DOCK3: variants seen among roughly 807,000 people sequenced by gnomAD.
DOCK3 encodes the protein dedicator of cytokinesis protein 3.
Under a neutral mutation model 265.6 loss-of-function variants are expected in DOCK3, and 60 were observed. That is an observed-to-expected ratio of 0.23 (90% CI 0.18 to 0.28). The LOEUF is 0.28. Among genes scored for constraint, DOCK3 ranks in the 10% least tolerant of loss-of-function variants. The probability of loss-of-function intolerance (pLI) is 1.00; values close to 1 mark genes in which losing one functional copy is unlikely to be tolerated. For missense variants in DOCK3, 1,981 were observed against 2,594.3 expected (o/e 0.76, Z 5.14); for synonymous variants, 881 against 938.0 (o/e 0.94, Z 1.11).
intron 9 of DOCK3, among the ~76,000 whole-genome samples, chr3:51,124,203 A>G (rs2084161366): frequency 6.6e-6 from 1 of 152,064 alleles, no homozygotes; most frequent in Admixed American, 6.6e-5. Context: ...TACTTTGGAA[A>G]TTGATATAGT....
intron 9 of DOCK3, among the ~76,000 whole-genome samples, chr3:51,144,725 G>A (rs2085219837): frequency 6.6e-6 from 1 of 152,170 alleles, no homozygotes; most frequent in Non-Finnish European, 1.5e-5. Flanking sequence ...TGAGGAAAAA[G>A]TACCTTGTAT....
intron 2 of DOCK3, among the ~76,000 whole-genome samples, chr3:50,806,774 G>A (rs926590252): frequency 6.6e-6 from 1 of 152,008 alleles, no homozygotes; most frequent in Admixed American, 6.5e-5. Context: ...CCAAGAGGAG[G>A]GAGCATTCCA....
intron 5 of DOCK3, among the ~76,000 whole-genome samples, chr3:50,986,808 G>A (rs1225749030): frequency 6.6e-6 from 1 of 152,168 alleles, no homozygotes; most frequent in Non-Finnish European, 1.5e-5. Context: ...TCTAAGCACA[G>A]GCTTGCTTTT....
rs555437656 is a variant in DOCK3 at position 50,998,140 on chromosome 3, C to G, written c.315+64063C>G. 1.4e-4 allele frequency among the ~76,000 whole-genome samples: 21 copies of G among 152,214 alleles called. No homozygotes were observed. The South Asian group carries it at 4.1e-3, about 30-fold the overall frequency. ...TAACCACATTTTACAAACAAAGGAA[C>G]TGAAACTTAGGTAACAAAAATTGCC... On this transcript the variant is annotated intron_variant, in intron 5 of 52. Coordinates refer to ENST00000266037, the MANE Select transcript of DOCK3 (RefSeq NM_004947.5).
chr3:50,695,917 G>A (rs1405645270), intron 1 of DOCK3, among the ~76,000 whole-genome samples: 1 of 152,224 alleles, frequency 6.6e-6, no homozygotes, highest in Non-Finnish European at 1.5e-5. Flanking sequence ...CAGCCATGTG[G>A]TAGAGGAGGA....
intron 9 of DOCK3, among the ~76,000 whole-genome samples, chr3:51,136,065 C>T (rs955930622): frequency 6.6e-6 from 1 of 152,106 alleles, no homozygotes; most frequent in Admixed American, 6.5e-5. Flanking sequence ...CTACATCATC[C>T]TTTAGAAAGT....
intron 40 of DOCK3, among the ~76,000 whole-genome samples, chr3:51,353,102 C>T (rs1389098113): frequency 6.6e-5 from 10 of 152,156 alleles, no homozygotes; most frequent in South Asian, 2.1e-4. Flanking sequence ...CATGAACAGA[C>T]GTTGATGAGG....
intron 32 of DOCK3, among the ~76,000 whole-genome samples, chr3:51,324,610 A>G (rs899200769): frequency 2.0e-5 from 3 of 152,222 alleles, no homozygotes; most frequent in Non-Finnish European, 4.4e-5. Context: ...CATAGCCAAG[A>G]TAATCTTAGG....
chr3:51,141,582 T>C (rs1195470315), intron 9 of DOCK3, among the ~76,000 whole-genome samples: 5 of 152,188 alleles, frequency 3.3e-5, no homozygotes, highest in African/African-American at 1.2e-4. Flanking sequence ...ATACTATTCT[T>C]TTCTCCACTG....
chr3:50,735,980 C>T (rs2038570685), intron 1 of DOCK3, among the ~76,000 whole-genome samples: 1 of 152,070 alleles, frequency 6.6e-6, no homozygotes, highest in African/African-American at 2.4e-5. Flanking sequence ...ATACATGTGC[C>T]ATGTTGGTGT....
At chr3:50,932,988 A>T (rs2051151922) in intron 4 of DOCK3, among the ~76,000 whole-genome samples, 1 of 152,214 alleles carries the variant, frequency 6.6e-6, no homozygotes, top group African/African-American at 2.4e-5. Flanking sequence ...GGCAGAAGGC[A>T]AAGGAGGAGC....
intron 9 of DOCK3, among the ~76,000 whole-genome samples, chr3:51,107,629 A>G (rs2083340649): frequency 6.6e-6 from 1 of 152,214 alleles, no homozygotes; most frequent in Non-Finnish European, 1.5e-5. Flanking sequence ...TAAGACAGAC[A>G]AGAATAAAGA....
chr3:51,256,561 G>A (rs879844623), intron 22 of DOCK3, among the ~76,000 whole-genome samples: 6 of 150,890 alleles, frequency 4.0e-5, no homozygotes, highest in Non-Finnish European at 5.9e-5. Context: ...GTGAGCCATC[G>A]CACCCAGCGA....
intron 2 of DOCK3, among the ~76,000 whole-genome samples, chr3:50,783,784 G>A (rs1255511379): frequency 6.6e-6 from 1 of 151,490 alleles, no homozygotes; most frequent in Non-Finnish European, 1.5e-5. Flanking sequence ...CTAAGCCAGT[G>A]TCTAGAAGGG....
intron 3 of DOCK3, among the ~76,000 whole-genome samples, chr3:50,873,125 A>C (rs553198252): frequency 5.9e-5 from 9 of 152,258 alleles, no homozygotes; most frequent in Non-Finnish European, 1.2e-4. Flanking sequence ...TAGCCAACAC[A>C]GCTGGAAATG....
intron 46 of DOCK3, 117 bp from the exon 47 acceptor site, chr3:51,360,394 C>T (rs2086647819): frequency 7.4e-7 from 1 of 1,344,858 alleles, no homozygotes; most frequent in South Asian, 1.4e-5. Flanking sequence ...TTCAGCCAAC[C>T]ATATGATTCT....
rs553216531 is a variant in DOCK3, at chr3:51,342,178, G to T, written c.3915+793G>T. Among the ~76,000 whole-genome samples, 3 of 152,318 alleles carry T rather than the reference G, an allele frequency of 2.0e-5. No individual in the cohort carries two copies. The South Asian group carries it at 6.2e-4, about 32-fold the overall frequency. The stretch of plus-strand genomic sequence containing the variant: ...GATGAGTTTTTTCATCAAAAAGAAA[G>T]ATTTAAACATTAATGGCTTTTGTCT... On this transcript the variant is annotated intron_variant, in intron 38 of 52. Transcript: ENST00000266037.
At chr3:51,282,877 A>G (rs1240145647) in intron 27 of DOCK3, among the ~76,000 whole-genome samples, 2 of 152,182 alleles carry the variant, frequency 1.3e-5, no homozygotes, top group Non-Finnish European at 2.9e-5. Flanking sequence ...GGACAAAGAC[A>G]TCACAAGAAA....
chr3:51,018,750 A>G (rs2079463117), intron 5 of DOCK3, among the ~76,000 whole-genome samples: 2 of 151,718 alleles, frequency 1.3e-5, no homozygotes, highest in South Asian at 4.1e-4. Context: ...TTGTGGCATC[A>G]TGTCGGTGTT....
Sources: gnomAD v4.1 joint callset for allele counts (sites outside exome capture counted in the v4.1 genomes callset) on GRCh38, gnomAD v4.1.1 for gene constraint, MANE v1.5 for transcripts, NCBI Gene and HGNC (gene_info 2026-07-23, HGNC 2026-07-21) for gene names.